Variants in NAV3 observed in about 807,000 individuals in gnomAD.
The protein encoded by NAV3 is pore membrane and/or filament interacting like protein 1.
Under a neutral mutation model 244.7 loss-of-function variants are expected in NAV3, and 87 were observed. The ratio of observed to expected loss-of-function variants is 0.36; its 90% CI spans 0.30 to 0.42. NAV3 has a LOEUF of 0.42. Ranked by LOEUF, NAV3 falls within the 20% of genes least tolerant of loss-of-function variation. NAV3 has a pLI of 1.00. For missense variants in NAV3, 2,663 were observed against 2,893.3 expected, an observed-to-expected ratio of 0.92 and a Z score of 1.83; for synonymous variants, 1,126 against 1,042.2, an observed-to-expected ratio of 1.08 and a Z score of -1.55.
intron 2 of NAV3, among the ~76,000 whole-genome samples, chr12:77,710,751 C>T (rs1458878496): frequency 6.6e-6 from 1 of 151,972 alleles, no homozygotes; most frequent in Non-Finnish European, 1.5e-5. Context: ...ATAATTCTGA[C>T]ATAATAGAAA....
chr12:77,768,532 C>T (rs145732992), intron 2 of NAV3, among the ~76,000 whole-genome samples: 188 of 152,350 alleles, frequency 1.2e-3, no homozygotes, highest in African/African-American at 4.4e-3. Flanking sequence ...GCACCCCAAG[C>T]ACATGCACAT....
At chr12:77,684,194 G>A (rs1045082335) in intron 2 of NAV3, among the ~76,000 whole-genome samples, 1 of 152,110 alleles carries the variant, frequency 6.6e-6, no homozygotes, top group African/African-American at 2.4e-5. Flanking sequence ...ACTATGTTAA[G>A]CATGTTTTTA....
chr12:78,104,181 T>G (rs1225179688), intron 12 of NAV3, among the ~76,000 whole-genome samples: 1 of 152,166 alleles, frequency 6.6e-6, no homozygotes, highest in Admixed American at 6.5e-5. Context: ...AAGAGTTGGT[T>G]GTTTATGTAA....
intron 1 of NAV3, among the ~76,000 whole-genome samples, chr12:77,922,874 A>G (rs1041875292): frequency 6.6e-6 from 1 of 152,176 alleles, no homozygotes; most frequent in East Asian, 1.9e-4. Context: ...ATTTTTAATT[A>G]TAAAGAACAA....
intron 29 of NAV3, among the ~76,000 whole-genome samples, chr12:78,180,621 A>T (rs968730256): frequency 6.6e-6 from 1 of 152,100 alleles, no homozygotes; most frequent in African/African-American, 2.4e-5. Context: ...TAGTTAAAAA[A>T]TAATGATAAG....
rs1370875804 is a variant in NAV3, at chr12:77,773,287, G to A, written c.73-167032G>A. Among the ~76,000 whole-genome samples the A allele has an allele frequency of 2.6e-5, 4 of 151,490 alleles. No individual in the cohort carries two copies. In the South Asian group the frequency reaches 6.2e-4, roughly 24 times the overall value. ...TCACAGATAAAAAATGTATCGAAATGATTGTAGACAAAAGCAAAAGGGCTA... is the reference window on the plus strand; with the variant it reads ...TCACAGATAAAAAATGTATCGAAATAATTGTAGACAAAAGCAAAAGGGCTA... On this transcript the variant is annotated intron_variant, in intron 2 of 8. Transcript: ENST00000550042.
intron 5 of NAV3, among the ~76,000 whole-genome samples, chr12:77,975,311 T>C (rs1286901444): frequency 1.3e-5 from 2 of 152,206 alleles, no homozygotes; most frequent in Admixed American, 1.3e-4. Flanking sequence ...CTAGACAATC[T>C]TCTAGTCACT....
At chr12:77,672,676 CAG>C (rs752358307) in intron 2 of NAV3, among the ~76,000 whole-genome samples, 11 of 151,760 alleles carry the variant, frequency 7.2e-5, no homozygotes, top group Admixed American at 2.6e-4. Context: ...TTTGAGGACT[CAG>C]GGGAAAGGGT....
intron 2 of NAV3, among the ~76,000 whole-genome samples, chr12:77,651,869 G>T (rs11106131): frequency 0.21 from 31,179 of 152,090 alleles, 3,365 homozygotes; most frequent in East Asian, 0.3. Context: ...GGTGTCCTGG[G>T]CTTGCGAATC....
intron 5 of NAV3, among the ~76,000 whole-genome samples, chr12:77,994,078 T>G (rs77050319): frequency 0.018 from 2,736 of 152,258 alleles, no homozygotes; most frequent in African/African-American, 0.049. Context: ...TCATGCTTTC[T>G]TGTGTGCCTT....
chr12:77,894,784 T>C (rs1197398367), intron 1 of NAV3, among the ~76,000 whole-genome samples: 1 of 152,198 alleles, frequency 6.6e-6, no homozygotes, highest in Non-Finnish European at 1.5e-5. Flanking sequence ...CTCCCGCTCA[T>C]TGCTGACATG....
intron 9 of NAV3, among the ~76,000 whole-genome samples, chr12:78,045,925 A>G (rs1881708238): frequency 6.6e-6 from 1 of 152,172 alleles, no homozygotes; most frequent in Non-Finnish European, 1.5e-5. Flanking sequence ...TTATTGGTCT[A>G]TTCAGGGATT....
rs1450103692 is a variant in NAV3, at chr12:78,128,840, C to A, written c.4415C>A (p.Ala1472Asp). The A allele has an allele frequency of 6.2e-7, 1 of 1,613,612 alleles. No individual in the cohort carries two copies. The highest frequency in any genetic ancestry group is 8.5e-7 in the Non-Finnish European group (1 of 1,179,834). The change falls in exon 18 of 40, where the codon GCT (alanine) becomes GAT (aspartate). Residue 1472 changes from alanine (A) to aspartate (D), a missense_variant. Ala to Asp is a moderately radical substitution (Grantham distance 126). Transcript: ENST00000397909. Reference protein sequence around the residue: ...VSPSAMSSSAAGKYHFSNLVS... With the variant: ...VSPSAMSSSADGKYHFSNLVS... ...CCTTCTGCCATGTCATCTTCTGCAG[C>A]TGGAAAATACCACTTTTCTAACTTG...
At chr12:77,801,087 T>A (rs1871681135) in intron 2 of NAV3, among the ~76,000 whole-genome samples, 1 of 152,114 alleles carries the variant, frequency 6.6e-6, no homozygotes, top group Non-Finnish European at 1.5e-5. Flanking sequence ...CAGATAGACC[T>A]CAGGTACAAT....
At chr12:78,154,965 C>T (rs1957242611) in intron 22 of NAV3, among the ~76,000 whole-genome samples, 1 of 152,042 alleles carries the variant, frequency 6.6e-6, no homozygotes. Flanking sequence ...TCTAAAGTAG[C>T]AATGTTAATC....
chr12:78,021,700 T>G, intron 8 of NAV3, 47 bp from the exon 9 acceptor site: 1 of 1,264,590 alleles, frequency 7.9e-7, no homozygotes, highest in Non-Finnish European at 1.1e-6. Flanking sequence ...GATGAGTGAC[T>G]AGTGACTATA....
rs564781964 is a variant in NAV3 at position 77,776,324 on chromosome 12, A to C, written c.73-163995A>C. On this transcript the variant is annotated intron_variant, in intron 2 of 8. Transcript: ENST00000550042. The stretch of plus-strand genomic sequence containing the variant: ...ATAGATATATCCCACATGAAAACTT[A>C]AATTTTTTGTATACATGTTGAAATC... Among the ~76,000 whole-genome samples, 4 of 152,350 alleles carry C rather than the reference A, an allele frequency of 2.6e-5. No homozygotes were observed. The South Asian group carries it at 8.3e-4, about 32-fold the overall frequency.
At chr12:77,730,627 G>A (rs903910740) in intron 2 of NAV3, among the ~76,000 whole-genome samples, 2 of 151,764 alleles carry the variant, frequency 1.3e-5, no homozygotes, top group Non-Finnish European at 2.9e-5. Flanking sequence ...CCTATGATCA[G>A]GAGTTCCAAT....
chr12:77,716,885 G>T (rs142193273), intron 2 of NAV3, among the ~76,000 whole-genome samples: 1 of 152,188 alleles, frequency 6.6e-6, no homozygotes, highest in East Asian at 1.9e-4. Context: ...TGTCTGGGAA[G>T]CAAATTAGAC....
Sources: gnomAD v4.1 joint callset for allele counts (sites outside exome capture counted in the v4.1 genomes callset) on GRCh38, gnomAD v4.1.1 for gene constraint, MANE v1.5 for transcripts, NCBI Gene and HGNC (gene_info 2026-07-23, HGNC 2026-07-21) for gene names.